The following PRELID2 variants were observed in gnomAD, a reference collection of about 807,000 sequenced individuals.
The protein encoded by PRELID2 is PRELI domain containing 2.
In PRELID2, 25 loss-of-function variants were observed where a neutral mutation model predicts 28.4. The observed-to-expected ratio is 0.88, with a 90% CI of 0.64 to 1.23. The LOEUF (loss-of-function observed/expected upper bound fraction) is 1.23, where lower values mean the gene tolerates loss of function less well. PRELID2 is among the 50% of genes most tolerant of loss of function. The pLI is 0.00. For synonymous variants in PRELID2, 76 were observed against 71.6 expected (o/e 1.06, Z -0.31); for missense variants, 201 against 214.4 (o/e 0.94, Z 0.39).
intron 1 of PRELID2, among the ~76,000 whole-genome samples, chr5:145,714,179 G>T (rs1755780968): frequency 6.6e-6 from 1 of 151,920 alleles, no homozygotes; most frequent in Admixed American, 6.6e-5. Flanking sequence ...AATGAAATAG[G>T]CTCCTCTGTG....
At chr5:145,742,401 G>C (rs1225019264) in intron 1 of PRELID2, among the ~76,000 whole-genome samples, 1 of 143,330 alleles carries the variant, frequency 7.0e-6, no homozygotes. Context: ...ATAGTACAGA[G>C]TTTTTTCTAA....
At chr5:145,551,740 G>A (rs1259911555) in intron 1 of PRELID2, among the ~76,000 whole-genome samples, 2 of 152,252 alleles carry the variant, frequency 1.3e-5, no homozygotes, top group Non-Finnish European at 1.5e-5. Context: ...GTTTAATAAA[G>A]AGACTCTTTA....
chr5:145,387,590 T>A, the PRELID2 span, among the ~76,000 whole-genome samples: 1 of 152,198 alleles, frequency 6.6e-6, no homozygotes, highest in South Asian at 2.1e-4. Context: ...TACTTATGAT[T>A]GTACTTTTTT....
downstream of PRELID2, among the ~76,000 whole-genome samples, chr5:145,471,367 G>A (rs562025282): frequency 5.9e-5 from 9 of 152,082 alleles, no homozygotes; most frequent in Non-Finnish European, 2.9e-5. Context: ...TTAGCTGGCA[G>A]TCAAAACCAG....
chr5:145,729,442 A>G (rs1204951184), intron 1 of PRELID2: 7 of 341,062 alleles, frequency 2.1e-5, no homozygotes, highest in Non-Finnish European at 3.7e-5. Context: ...GGTTCCTTCT[A>G]AGTCCTCACT....
Position 145,796,472 on chromosome 5 carries a change from G to C in PRELID2, c.444C>G (p.Ala148=). ...GFLNCVLETF[A]STFLRQGAQK... Reference sequence around the variant, plus strand: ...GGGCTCCCTGTCGTAAGAATGTGCTGGCAAAAGTTTCTAAAACACAGTTGA... The same window carrying C: ...GGGCTCCCTGTCGTAAGAATGTGCTCGCAAAAGTTTCTAAAACACAGTTGA... The change falls in exon 5 of 7, where the codon GCC becomes GCG. Residue 148 remains alanine (A), a synonymous_variant. Coordinates refer to ENST00000683046, the MANE Select transcript of PRELID2 (RefSeq NM_205846.3). 4.3e-6 allele frequency: 7 copies of C among 1,610,218 alleles called. No homozygotes were observed. Among genetic ancestry groups the C allele is most frequent in the Non-Finnish European group, 5.9e-6 (7 of 1,177,718 alleles).
At chr5:145,728,569 T>G in intron 1 of PRELID2, 1 of 848,404 alleles carries the variant, frequency 1.2e-6, no homozygotes, top group South Asian at 1.4e-5. Context: ...TGGAATGAAT[T>G]GTTGATCATG....
chr5:145,365,056 T>G, the PRELID2 span, among the ~76,000 whole-genome samples: 1 of 151,932 alleles, frequency 6.6e-6, no homozygotes, highest in Non-Finnish European at 1.5e-5. Flanking sequence ...TGATGTCTTA[T>G]AGGAACTCAT....
intron 1 of PRELID2, among the ~76,000 whole-genome samples, chr5:145,520,008 A>G (rs945751915): frequency 2.6e-5 from 4 of 152,200 alleles, no homozygotes; most frequent in Non-Finnish European, 5.9e-5. Flanking sequence ...TTGGCTCTCA[A>G]TGGTGAGCAA....
chr5:145,275,709 A>T, the PRELID2 span, among the ~76,000 whole-genome samples: 2 of 152,234 alleles, frequency 1.3e-5, no homozygotes, highest in South Asian at 4.2e-4. Context: ...TTATTGGTGC[A>T]TTGGGAGGTA....
intron 1 of PRELID2, among the ~76,000 whole-genome samples, chr5:145,709,583 A>T (rs1020970114): frequency 9.3e-5 from 13 of 140,526 alleles, no homozygotes; most frequent in South Asian, 2.2e-4. Flanking sequence ...ATCTGTATTT[A>T]AAAAAAAAAA....
chr5:145,566,729 G>C (rs568354912), intron 1 of PRELID2, among the ~76,000 whole-genome samples: 7 of 151,658 alleles, frequency 4.6e-5, no homozygotes, highest in Non-Finnish European at 1.0e-4. Flanking sequence ...AATCCCAGCT[G>C]CTCGGGAGGG....
the PRELID2 span, among the ~76,000 whole-genome samples, chr5:145,316,761 G>A: frequency 6.6e-6 from 1 of 152,168 alleles, no homozygotes; most frequent in East Asian, 1.9e-4. Context: ...TTGTTTGAAT[G>A]AACTCCATTT....
intron 1 of PRELID2, among the ~76,000 whole-genome samples, chr5:145,677,052 A>G (rs1022666527): frequency 5.9e-5 from 9 of 152,050 alleles, no homozygotes; most frequent in Admixed American, 1.3e-4. Flanking sequence ...GAAAATTTTA[A>G]CACGGTGTAA....
the PRELID2 span, among the ~76,000 whole-genome samples, chr5:145,256,914 A>C: frequency 6.6e-6 from 1 of 151,666 alleles, no homozygotes; most frequent in Non-Finnish European, 1.5e-5. Context: ...AAAAATGAAG[A>C]TAATTTTTTT....
At position 145,501,498 on chromosome 5, in the gene PRELID2, G is replaced by A. The variant is rs140396738; in HGVS notation, n.71-28183C>T. On this transcript the variant is annotated intron_variant and non_coding_transcript_variant, in intron 1 of 2. Coordinates refer to the PRELID2 transcript ENST00000510259. ...GGTGGGAGGTAATTGAATCATGTGG[G>A]CAGTTTCCCCCATACTGTTCTTGTG... Among the ~76,000 whole-genome samples the A allele has an allele frequency of 2.8e-4, 43 of 152,226 alleles. No individual in the cohort carries two copies. The East Asian group carries it at 7.9e-3, about 28-fold the overall frequency.
the PRELID2 span, among the ~76,000 whole-genome samples, chr5:145,395,355 T>A: frequency 6.6e-6 from 1 of 152,168 alleles, no homozygotes; most frequent in Admixed American, 6.5e-5. Flanking sequence ...GACTGGGAAC[T>A]GTCCACCAAC....
chr5:145,726,321 A>AG lies in PRELID2; in HGVS notation n.70+38609_70+38610insC, dbSNP rs1561559875. ...AGAAAAAGAAAGAGAGAGAGAGAGA[A>AG]AGAGAGAAAGAGAAAGAAAAGGGAA... On this transcript the variant is annotated intron_variant and non_coding_transcript_variant, in intron 1 of 2. Coordinates refer to the PRELID2 transcript ENST00000510259. Among the ~76,000 whole-genome samples, 95 of 137,610 alleles carry AG rather than the reference A, an allele frequency of 6.9e-4. 1 individual carries two copies. Among genetic ancestry groups the AG allele is most frequent in the African/African-American group, 2.6e-3 (84 of 32,330 alleles). The allele number at this position is 137,610 out of a possible 152,430, so 90.3% of individuals were successfully genotyped here.
chr5:145,744,424 G>A (rs1317959470), intron 1 of PRELID2, among the ~76,000 whole-genome samples: 1 of 152,212 alleles, frequency 6.6e-6, no homozygotes, highest in Non-Finnish European at 1.5e-5. Flanking sequence ...GGGGTTGTGA[G>A]ACACCCTGTA....
Sources: allele counts gnomAD v4.1 joint callset (sites outside exome capture counted in the v4.1 genomes callset), GRCh38; gene constraint gnomAD v4.1.1; transcripts MANE v1.5; gene names NCBI Gene and HGNC (gene_info 2026-07-23, HGNC 2026-07-21).